ANXA4: variants seen among roughly 807,000 people sequenced by gnomAD.
The protein encoded by ANXA4 is 35-beta calcimedin.
In ANXA4, 39 loss-of-function variants were observed where a neutral mutation model predicts 49.8. The observed-to-expected ratio is 0.78, with a 90% CI of 0.61 to 1.02. The LOEUF is 1.02. Ranked by LOEUF, ANXA4 falls within the 50% of genes least tolerant of loss-of-function variation. The pLI, the probability that ANXA4 is intolerant of heterozygous loss-of-function variation, is 0.00. For missense variants in ANXA4, 360 were observed against 410.1 expected (o/e 0.88, Z 1.05); for synonymous variants, 134 against 152.5 (o/e 0.88, Z 0.89).
chr2:69,679,307 T>C (rs896080566), intron 2 of ANXA4, among the ~76,000 whole-genome samples: 2 of 152,082 alleles, frequency 1.3e-5, no homozygotes, highest in East Asian at 3.9e-4. Flanking sequence ...GGCTAATTTG[T>C]TTTTATTTTT....
intron 2 of ANXA4, among the ~76,000 whole-genome samples, chr2:69,660,796 G>A (rs1001891008): frequency 6.6e-6 from 1 of 151,580 alleles, no homozygotes; most frequent in Non-Finnish European, 1.5e-5. Context: ...GAGAGAGAGA[G>A]AGAATATGAG....
chr2:69,761,625 A>C (rs1671291887), intron 1 of ANXA4, among the ~76,000 whole-genome samples: 1 of 152,080 alleles, frequency 6.6e-6, no homozygotes, highest in Non-Finnish European at 1.5e-5. Flanking sequence ...CCTTTGTTTT[A>C]AATCTTAAAA....
chr2:69,810,374 GAAAC>G, intron 6 of ANXA4: 1 of 515,138 alleles, frequency 1.9e-6, no homozygotes, highest in South Asian at 2.1e-5. Context: ...CATCTCAAAA[GAAAC>G]AAAACAAAAA....
At chr2:69,746,288 A>C (rs1465184548) in intron 1 of ANXA4, among the ~76,000 whole-genome samples, 1 of 151,978 alleles carries the variant, frequency 6.6e-6, no homozygotes, top group Non-Finnish European at 1.5e-5. Flanking sequence ...GGGATTACAG[A>C]TGTGAGCCAC....
At chr2:69,700,301 G>A (rs1678290680) in intron 2 of ANXA4, 1 of 152,138 alleles carries the variant, frequency 6.6e-6, no homozygotes. Flanking sequence ...AGGATCTCTT[G>A]AGCCCAGGAG....
rs140302494 is a variant in ANXA4 at position 69,819,331 on chromosome 2, C to T, written c.776C>T (p.Ser259Leu). Residue 259 changes from serine to leucine, a missense_variant, in exon 11 of 13, where the codon TCG becomes TTG. Coordinates refer to ENST00000394295, the MANE Select transcript of ANXA4 (RefSeq NM_001153.5). ...TATTTTGCTGAAAAGCTCTATAAAT[C>T]GATGAAGGTAAATGGCCTTATTTTC... Reference protein sequence around the residue: ...SAYFAEKLYKSMKGLGTDDNT... With the variant: ...SAYFAEKLYKLMKGLGTDDNT... The T allele has an allele frequency of 5.7e-4, 920 of 1,605,876 alleles. 1 individual carries two copies. The highest frequency in any genetic ancestry group is 7.4e-4 in the Non-Finnish European group (869 of 1,174,834).
intron 3 of ANXA4, among the ~76,000 whole-genome samples, chr2:69,802,190 A>G (rs1278819607): frequency 6.6e-6 from 1 of 152,188 alleles, no homozygotes; most frequent in African/African-American, 2.4e-5. Context: ...ACATTGTGAG[A>G]GTTTTTCTTT....
At chr2:69,687,032 C>T (rs550239798) in intron 2 of ANXA4, among the ~76,000 whole-genome samples, 17 of 152,320 alleles carry the variant, frequency 1.1e-4, no homozygotes, top group South Asian at 8.3e-4. Flanking sequence ...TGTGAAACAA[C>T]GGAGAGGAGC....
intron 2 of ANXA4, among the ~76,000 whole-genome samples, chr2:69,708,198 G>A (rs1678558293): frequency 6.6e-6 from 1 of 152,208 alleles, no homozygotes; most frequent in Non-Finnish European, 1.5e-5. Flanking sequence ...GAGTAGTGGA[G>A]CTGAGTCCCA....
rs1672195046 is a variant in ANXA4, at chr2:69,781,474, T to A, written c.-46-46T>A. The A allele has an allele frequency of 4.7e-6, 7 of 1,475,612 alleles. No individual in the cohort carries two copies. In the Admixed American group the frequency reaches 1.2e-4, roughly 25 times the overall value. The allele number at this position is 1,475,612 out of a possible 1,614,324, so 91.4% of individuals were successfully genotyped here. On this transcript the variant is annotated intron_variant, in intron 1 of 12. Transcript: ENST00000394295. ...AAGTTATCCTGATTAATGATTTTAA[T>A]GCCATTTCCTTCATCACAGTAATTT...
chr2:69,813,104 C>G (rs978367783), intron 8 of ANXA4, among the ~76,000 whole-genome samples: 1 of 152,172 alleles, frequency 6.6e-6, no homozygotes, highest in African/African-American at 2.4e-5. Context: ...TAGCAAACCC[C>G]AAGAGGCATT....
rs764707125 is a variant in ANXA4 at position 69,820,710 on chromosome 2, C to T, written c.795C>T (p.Thr265=). Reference sequence around the variant, plus strand: ...GTTTTCTTCCTTAGGGCTTGGGCACCGATGATAACACCCTCATCAGAGTGA... The same window carrying T: ...GTTTTCTTCCTTAGGGCTTGGGCACTGATGATAACACCCTCATCAGAGTGA... ...KLYKSMKGLG[T]DDNTLIRVMV... The change falls in exon 12 of 13, where the codon ACC becomes ACT. Residue 265 remains threonine, a synonymous_variant. Transcript: ENST00000394295. The T allele has an allele frequency of 6.8e-6, 11 of 1,613,802 alleles. No homozygotes were observed. The highest frequency in any genetic ancestry group is 2.2e-5 in the South Asian group (2 of 91,034).
intron 2 of ANXA4, 132 bp downstream of exon 2, chr2:69,781,706 A>G: frequency 9.4e-7 from 1 of 1,059,428 alleles, no homozygotes; most frequent in East Asian, 2.5e-5. Context: ...ATGAAAAGGC[A>G]GGTCTATTTC....
At chr2:69,647,243 G>A (rs923414851) in intron 1 of ANXA4, among the ~76,000 whole-genome samples, 1 of 152,074 alleles carries the variant, frequency 6.6e-6, no homozygotes, top group Non-Finnish European at 1.5e-5. Context: ...TCACCAGCCT[G>A]CAGGCTGCAA....
intron 3 of ANXA4, among the ~76,000 whole-genome samples, chr2:69,791,363 C>T (rs995610956): frequency 3.9e-5 from 6 of 152,126 alleles, no homozygotes; most frequent in African/African-American, 7.2e-5. Flanking sequence ...CCAGTTTTTC[C>T]AATTGTGTTT....
intron 2 of ANXA4, among the ~76,000 whole-genome samples, chr2:69,719,132 A>G (rs1468249864): frequency 2.6e-5 from 4 of 151,072 alleles, no homozygotes; most frequent in Non-Finnish European, 5.9e-5. Context: ...ACCTGCCACC[A>G]CGCCCAGCTA....
At chr2:69,742,351 G>A (rs1437133953) in intron 1 of ANXA4, among the ~76,000 whole-genome samples, 176 bp downstream of exon 1, 1 of 152,136 alleles carries the variant, frequency 6.6e-6, no homozygotes, top group Non-Finnish European at 1.5e-5. Context: ...AGCGGGCCCT[G>A]GACTCGCTCC....
chr2:69,732,245 G>A (rs1670124482), intron 3 of ANXA4, among the ~76,000 whole-genome samples: 2 of 151,280 alleles, frequency 1.3e-5, no homozygotes, highest in African/African-American at 4.8e-5. Context: ...CCAAAGTGCT[G>A]GGATTACAGG....
intron 2 of ANXA4, among the ~76,000 whole-genome samples, chr2:69,660,731 T>G (rs191197215): frequency 1.3e-5 from 2 of 150,644 alleles, no homozygotes; most frequent in African/African-American, 4.9e-5. Flanking sequence ...AAGAACCAAT[T>G]AACTAGAAGT....
Sources: allele counts gnomAD v4.1 joint callset (sites outside exome capture counted in the v4.1 genomes callset), GRCh38; gene constraint gnomAD v4.1.1; transcripts MANE v1.5; gene names NCBI Gene and HGNC (gene_info 2026-07-23, HGNC 2026-07-21).